The following FER variants were observed in gnomAD, a reference collection of about 807,000 sequenced individuals.
FER encodes the protein tyrosine-protein kinase Fer.
A neutral mutation model predicts 111.0 loss-of-function variants in FER; 63 were observed. That is an observed-to-expected ratio of 0.57 (90% CI 0.46 to 0.70). The LOEUF (loss-of-function observed/expected upper bound fraction) is 0.70. FER is among the 30% of genes least tolerant of loss of function. The probability of loss-of-function intolerance (pLI) is 0.00; values close to 1 mark genes in which losing one functional copy is unlikely to be tolerated. For synonymous variants in FER, 327 were observed against 313.9 expected, an observed-to-expected ratio of 1.04 and a Z score of -0.44; for missense variants, 914 against 954.0, an observed-to-expected ratio of 0.96 and a Z score of 0.55.
At chr5:108,839,403 T>A (rs1761007231) in intron 5 of FER, among the ~76,000 whole-genome samples, 1 of 151,692 alleles carries the variant, frequency 6.6e-6, no homozygotes, top group Non-Finnish European at 1.5e-5. Flanking sequence ...TTTTGGGGAG[T>A]TAGGCTAGTC....
At chr5:108,829,733 T>G (rs1423503675) in intron 3 of FER, among the ~76,000 whole-genome samples, 1 of 152,056 alleles carries the variant, frequency 6.6e-6, no homozygotes, top group African/African-American at 2.4e-5. Context: ...TTTTTCCTAC[T>G]TCTTCCCTCT....
At position 109,195,247 on chromosome 5, in the gene FER, T is replaced by C. The variant is rs1759660110; in HGVS notation, c.*7672T>C. 1 of 152,150 alleles carries C rather than the reference T, an allele frequency of 6.6e-6. No homozygotes were observed. Among genetic ancestry groups the C allele is most frequent in the Non-Finnish European group, 1.5e-5 (1 of 68,024 alleles). 9.4% of individuals were successfully genotyped at this position (152,150 alleles called of 1,614,324 possible). ...TTTCTCCTTAATTAAAGTACGTTGC[T>C]TGTATTTAGACTATAAGATGCTATG... On this transcript the variant is annotated 3_prime_UTR_variant, in exon 20 of 20. Coordinates refer to ENST00000281092, the MANE Select transcript of FER (RefSeq NM_005246.4).
At chr5:108,985,684 G>C (rs968278236) in intron 13 of FER, among the ~76,000 whole-genome samples, 22 of 152,066 alleles carry the variant, frequency 1.4e-4, no homozygotes, top group African/African-American at 5.1e-4. Context: ...GAGAACATAC[G>C]ATGTTTGGTT....
chr5:109,085,563 TG>T (rs946225585), intron 16 of FER, among the ~76,000 whole-genome samples: 6 of 151,524 alleles, frequency 4.0e-5, no homozygotes, highest in African/African-American at 1.5e-4. Flanking sequence ...ATTATAGCAC[TG>T]GGATAGATAT....
intron 3 of FER, among the ~76,000 whole-genome samples, chr5:108,808,524 G>T (rs1326335359): frequency 6.6e-6 from 1 of 151,894 alleles, no homozygotes; most frequent in Non-Finnish European, 1.5e-5. Flanking sequence ...ACAGCAGATG[G>T]TTGGGTTTGT....
chr5:109,043,716 T>G (rs1322574846), intron 14 of FER, among the ~76,000 whole-genome samples: 1 of 152,166 alleles, frequency 6.6e-6, no homozygotes, highest in Non-Finnish European at 1.5e-5. Context: ...CTCACACCTA[T>G]AATCCCAGCA....
chr5:108,772,834 T>C (rs1753070146), intron 2 of FER, among the ~76,000 whole-genome samples: 1 of 152,244 alleles, frequency 6.6e-6, no homozygotes, highest in African/African-American at 2.4e-5. Context: ...TCTAGGAATA[T>C]GTATCTATTA....
At chr5:109,169,948 T>C (rs1756934731) in intron 17 of FER, among the ~76,000 whole-genome samples, 1 of 152,210 alleles carries the variant, frequency 6.6e-6, no homozygotes, top group African/African-American at 2.4e-5. Flanking sequence ...ATTCAGTATC[T>C]AAATCTAGGT....
chr5:109,026,271 GTAA>G lies in FER; in HGVS notation c.1657-11146_1657-11144del, dbSNP rs1484066823. ...CAAATATAATGAAATATTTTCTAAG[GTAA>G]TAATGTGTGTGTTTCCTAAATAAGA... On this transcript the variant is annotated intron_variant, in intron 13 of 19. Transcript: ENST00000281092. Among the ~76,000 whole-genome samples the G allele has an allele frequency of 2.6e-5, 4 of 152,060 alleles. No homozygotes were observed. The East Asian group carries it at 7.7e-4, about 29-fold the overall frequency.
At chr5:108,786,484 T>G (rs568289639) in intron 2 of FER, among the ~76,000 whole-genome samples, 2 of 152,244 alleles carry the variant, frequency 1.3e-5, no homozygotes, top group South Asian at 4.1e-4. Flanking sequence ...GTTGGTGATA[T>G]GTTTAAATTT....
intron 2 of FER, among the ~76,000 whole-genome samples, chr5:108,778,722 C>G (rs1030292270): frequency 6.6e-6 from 1 of 152,070 alleles, no homozygotes; most frequent in African/African-American, 2.4e-5. Flanking sequence ...GGTCCTTTTT[C>G]AGAAATATCT....
intron 17 of FER, among the ~76,000 whole-genome samples, chr5:109,157,545 A>G (rs968747800): frequency 3.3e-5 from 5 of 152,012 alleles, no homozygotes; most frequent in African/African-American, 1.2e-4. Flanking sequence ...GAGCATTTCA[A>G]ACTGTTCCCT....
rs527913067 is a variant in FER at position 108,988,669 on chromosome 5, C to G, written c.1656+29322C>G. Among the ~76,000 whole-genome samples the G allele has an allele frequency of 2.0e-5, 3 of 152,076 alleles. No homozygotes were observed. The South Asian group carries it at 6.2e-4, about 32-fold the overall frequency. ...TTATAATTGAGCTTATTTGGATCTT[C>G]TTTCTTATTTTCTGGGTTAATGCTG... On this transcript the variant is annotated intron_variant, in intron 13 of 19. Transcript: ENST00000281092.
chr5:109,098,709 T>C (rs1041216517), intron 16 of FER, among the ~76,000 whole-genome samples: 2 of 151,716 alleles, frequency 1.3e-5, no homozygotes, highest in Non-Finnish European at 3.0e-5. Flanking sequence ...TTGTTCCGAT[T>C]TTTAAGTAAA....
intron 13 of FER, among the ~76,000 whole-genome samples, chr5:109,007,845 A>C (rs974930108): frequency 6.6e-6 from 1 of 152,204 alleles, no homozygotes; most frequent in African/African-American, 2.4e-5. Flanking sequence ...ATTATTTTCT[A>C]AAGTGGCTCT....
intron 3 of FER, among the ~76,000 whole-genome samples, chr5:108,821,795 A>G (rs994884318): frequency 3.9e-5 from 6 of 152,072 alleles, no homozygotes; most frequent in Admixed American, 3.3e-4. Context: ...TATAATGATT[A>G]CCACAATCAA....
chr5:109,103,626 C>T (rs1445810669), intron 17 of FER, among the ~76,000 whole-genome samples: 1 of 152,106 alleles, frequency 6.6e-6, no homozygotes, highest in Non-Finnish European at 1.5e-5. Flanking sequence ...TAGTTTTAAT[C>T]AACGGCATTT....
chr5:108,777,910 A>G (rs1026424418), intron 2 of FER, among the ~76,000 whole-genome samples: 10 of 152,212 alleles, frequency 6.6e-5, no homozygotes, highest in African/African-American at 2.4e-4. Context: ...TGATTCAGTC[A>G]TCTCCCACAG....
At position 109,187,726 on chromosome 5, in the gene FER, A is replaced by G; in HGVS notation, c.*151A>G. The stretch of plus-strand genomic sequence containing the variant: ...ACTGGGTGTTTTAAAAGTACGTTCC[A>G]CTTGTAAAAAGTCAAAGGCAAATTT... On this transcript the variant is annotated 3_prime_UTR_variant, in exon 20 of 20. Transcript: ENST00000281092. 10 of 1,031,634 alleles carry G rather than the reference A, an allele frequency of 9.7e-6. No homozygotes were observed. In the South Asian group the frequency reaches 1.6e-4, roughly 17 times the overall value. 63.9% of individuals were successfully genotyped at this position (1,031,634 alleles called of 1,614,324 possible). A position where few individuals can be genotyped will look rare whatever the true frequency, so the allele number is the denominator to read the frequency against.
Sources: gnomAD v4.1 joint callset for allele counts (sites outside exome capture counted in the v4.1 genomes callset) on GRCh38, gnomAD v4.1.1 for gene constraint, MANE v1.5 for transcripts, NCBI Gene and HGNC (gene_info 2026-07-23, HGNC 2026-07-21) for gene names.